The following SHISA9 variants were observed in gnomAD, a reference collection of about 807,000 sequenced individuals.
The protein encoded by SHISA9 is shisa family member 9, also known as protein shisa-9.
In SHISA9, 13 loss-of-function variants were observed where a neutral mutation model predicts 38.0. The ratio of observed to expected loss-of-function variants is 0.34; its 90% CI spans 0.22 to 0.54. The LOEUF (loss-of-function observed/expected upper bound fraction) is 0.54. Among genes scored for constraint, SHISA9 ranks in the 20% least tolerant of loss-of-function variants. The pLI is 0.91. For synonymous variants in SHISA9, 275 were observed against 242.0 expected (o/e 1.14, Z -1.27); for missense variants, 538 against 575.8 (o/e 0.93, Z 0.67).
chr16:13,147,246 A>G (rs1206662850), intron 2 of SHISA9, among the ~76,000 whole-genome samples: 1 of 152,108 alleles, frequency 6.6e-6, no homozygotes, highest in Non-Finnish European at 1.5e-5. Flanking sequence ...AGGGTATGAT[A>G]AGGAGACTGA....
At chr16:13,376,989 TTG>T in the SHISA9 span, among the ~76,000 whole-genome samples, 3 of 152,292 alleles carry the variant, frequency 2.0e-5, no homozygotes, top group East Asian at 3.9e-4. Flanking sequence ...GATAGGGTAT[TTG>T]TATCAAAAAA....
intron 1 of SHISA9, chr16:12,902,877 C>T (rs941675717): frequency 2.3e-6 from 1 of 437,336 alleles, no homozygotes; most frequent in African/African-American, 2.1e-5. Context: ...TGACTCTGCT[C>T]CCTCACCCTC....
At chr16:12,926,589 T>C (rs533091708) in intron 2 of SHISA9, among the ~76,000 whole-genome samples, 4 of 152,274 alleles carry the variant, frequency 2.6e-5, no homozygotes, top group Non-Finnish European at 4.4e-5. Flanking sequence ...ATCACGTAAT[T>C]GCAAAGTAGC....
the SHISA9 span, among the ~76,000 whole-genome samples, chr16:13,271,232 C>A: frequency 2.2e-4 from 33 of 152,292 alleles, no homozygotes; most frequent in Admixed American, 1.8e-3. Context: ...ACTGTAACAT[C>A]AGTGTAGAGA....
At chr16:13,476,742 T>G in the SHISA9 span, among the ~76,000 whole-genome samples, 19 of 105,086 alleles carry the variant, frequency 1.8e-4, no homozygotes, top group African/African-American at 3.4e-4. Flanking sequence ...TTTTGTGTTT[T>G]TTTTTTTTTT....
At chr16:13,007,221 A>C (rs991308119) in intron 2 of SHISA9, among the ~76,000 whole-genome samples, 1 of 152,138 alleles carries the variant, frequency 6.6e-6, no homozygotes, top group Non-Finnish European at 1.5e-5. Context: ...AGGGACATTC[A>C]TTGTCTCCCA....
chr16:13,003,886 TAATAAGAAG>T (rs1032560096), intron 2 of SHISA9, among the ~76,000 whole-genome samples: 21 of 146,038 alleles, frequency 1.4e-4, no homozygotes, highest in Admixed American at 4.1e-4. Flanking sequence ...ATAATAATAA[TAATAAGAAG>T]AAGAAGAAGA....
intron 2 of SHISA9, among the ~76,000 whole-genome samples, chr16:13,101,694 G>T (rs1307172375): frequency 6.6e-6 from 1 of 152,108 alleles, no homozygotes. Flanking sequence ...TTTTTTGAGG[G>T]ACCTCCATAC....
In SHISA9 at chr16:12,979,594, A is replaced by G. The variant is rs978939191; in HGVS notation, c.691+62779A>G. 3.3e-5 allele frequency among the ~76,000 whole-genome samples: 5 copies of G among 152,020 alleles called. No individual in the cohort carries two copies. The East Asian group carries it at 9.6e-4, about 29-fold the overall frequency. ...CTGTATTGCTTCTCGTATAGTCTTG[A>G]ACGTGTATATTTTTATGTTGCTTGC... On this transcript the variant is annotated intron_variant, in intron 2 of 4. Transcript: ENST00000558583.
chr16:13,334,327 C>T, the SHISA9 span, among the ~76,000 whole-genome samples: 2 of 152,302 alleles, frequency 1.3e-5, no homozygotes, highest in East Asian at 3.9e-4. Context: ...CTCATGAACA[C>T]ATGTGGCTGA....
the SHISA9 span, among the ~76,000 whole-genome samples, chr16:13,318,001 T>G: frequency 6.6e-6 from 1 of 151,642 alleles, no homozygotes; most frequent in Non-Finnish European, 1.5e-5. Context: ...ATGCCTTGTT[T>G]TTTTTTTTTT....
chr16:13,389,588 G>T, the SHISA9 span, among the ~76,000 whole-genome samples: 2 of 152,074 alleles, frequency 1.3e-5, no homozygotes. Context: ...ATATTTTATT[G>T]AATTAAATTA....
At chr16:13,144,349 C>T (rs1251151863) in intron 2 of SHISA9, among the ~76,000 whole-genome samples, 2 of 152,012 alleles carry the variant, frequency 1.3e-5, no homozygotes, top group Non-Finnish European at 2.9e-5. Flanking sequence ...GACAGGGTTT[C>T]ACCATGTTGG....
At chr16:13,450,550 A>C in the SHISA9 span, among the ~76,000 whole-genome samples, 4 of 152,104 alleles carry the variant, frequency 2.6e-5, no homozygotes, top group Admixed American at 1.3e-4. Flanking sequence ...ATTTCATGGC[A>C]AATAAAAATG....
chr16:13,209,093 A>G (rs769493088), intron 3 of SHISA9, among the ~76,000 whole-genome samples: 3 of 152,208 alleles, frequency 2.0e-5, no homozygotes, highest in Admixed American at 6.5e-5. Context: ...TGGAGATAAT[A>G]ATGATAACAC....
the SHISA9 span, among the ~76,000 whole-genome samples, chr16:13,414,503 C>T: frequency 6.6e-6 from 1 of 152,168 alleles, no homozygotes; most frequent in Non-Finnish European, 1.5e-5. Context: ...TTATTGGCCT[C>T]ATTTTAAAAG....
the SHISA9 span, among the ~76,000 whole-genome samples, chr16:13,280,667 A>T: frequency 6.6e-6 from 1 of 151,816 alleles, no homozygotes; most frequent in Admixed American, 6.6e-5. Context: ...ACCTAATAAG[A>T]TTTCAGTTGT....
chr16:12,914,310 C>T (rs542842058), intron 1 of SHISA9, among the ~76,000 whole-genome samples: 2 of 152,058 alleles, frequency 1.3e-5, no homozygotes, highest in South Asian at 4.2e-4. Context: ...TCCCAAAGTG[C>T]TGGGATTACA....
At chr16:13,212,335 A>G (rs530454179) in intron 3 of SHISA9, among the ~76,000 whole-genome samples, 36 of 152,296 alleles carry the variant, frequency 2.4e-4, no homozygotes, top group Admixed American at 9.2e-4. Flanking sequence ...GCAAAACCCA[A>G]TCTTACAGAG....
Sources: gnomAD v4.1 joint callset for allele counts (sites outside exome capture counted in the v4.1 genomes callset) on GRCh38, gnomAD v4.1.1 for gene constraint, MANE v1.5 for transcripts, NCBI Gene and HGNC (gene_info 2026-07-23, HGNC 2026-07-21) for gene names.